ABCF3: variants seen among roughly 807,000 people sequenced by gnomAD.
ABCF3 encodes the protein ATP binding cassette subfamily F member 3.
In ABCF3, 62 loss-of-function variants were observed where a neutral mutation model predicts 94.3. The ratio of observed to expected loss-of-function variants is 0.66; its 90% CI spans 0.54 to 0.81. The LOEUF (loss-of-function observed/expected upper bound fraction) is 0.81. Among genes scored for constraint, ABCF3 ranks in the 40% least tolerant of loss-of-function variants. ABCF3 has a pLI of 0.00. For missense variants in ABCF3, 843 were observed against 925.3 expected (o/e 0.91, Z 1.15); for synonymous variants, 355 against 361.1 (o/e 0.98, Z 0.19).
intron 2 of ABCF3, 22 bp from the exon 3 acceptor site, chr3:184,186,774 C>T (rs749202656): frequency 1.5e-5 from 24 of 1,610,170 alleles, no homozygotes; most frequent in Middle Eastern, 1.7e-4. Context: ...TAACTCTGCG[C>T]TTTCTATCCC....
intron 14 of ABCF3, chr3:184,190,224 C>T (rs1023505166): frequency 1.3e-5 from 6 of 473,610 alleles, no homozygotes; most frequent in African/African-American, 2.0e-5. Flanking sequence ...TGTCTTTTAC[C>T]TGGCGTCATG....
chr3:184,192,434 C>G (rs1456195757), intron 16 of ABCF3, among the ~76,000 whole-genome samples, 167 bp from the exon 17 acceptor site: 4 of 152,160 alleles, frequency 2.6e-5, no homozygotes, highest in African/African-American at 9.7e-5. Flanking sequence ...CTCCCGAACC[C>G]CTCTCTCAAT....
At chr3:184,191,898 C>T (rs750477979) in intron 16 of ABCF3, among the ~76,000 whole-genome samples, 2 of 152,022 alleles carry the variant, frequency 1.3e-5, no homozygotes, top group African/African-American at 4.8e-5. Flanking sequence ...GCACCCGCCA[C>T]CATGCCCAGC....
Position 184,193,632 on chromosome 3 carries a change from G to A in ABCF3, c.2064G>A (p.Val688=), listed in dbSNP as rs773055047. 3.7e-6 allele frequency: 6 copies of A among 1,614,148 alleles called. No individual in the cohort carries two copies. The highest frequency in any genetic ancestry group is 2.2e-5 in the South Asian group (2 of 91,088). ...GCGAAGGAGGCGGCGTCACCCGTGT[G>A]GAAGGAGGATTTGACCAGTACCGCG... ...WVCEGGGVTR[V]EGGFDQYRAL... The change falls in exon 21 of 21, where the codon GTG becomes GTA. Residue 688 remains valine, a synonymous_variant. Transcript: ENST00000429586. The surrounding 1 kb of genome is among the most constrained non-coding windows in gnomAD (Gnocchi z 5.2).
intron 7 of ABCF3, 101 bp from the exon 8 acceptor site, chr3:184,188,660 C>G: frequency 7.9e-7 from 1 of 1,261,442 alleles, no homozygotes; most frequent in South Asian, 1.4e-5. Context: ...TCTTCCTCTT[C>G]CAGCCACAAG....
chr3:184,189,034 C>A (rs1375150698), intron 9 of ABCF3, 46 bp downstream of exon 9: 1 of 1,614,194 alleles, frequency 6.2e-7, no homozygotes, highest in East Asian at 2.2e-5. Context: ...GTTGTCTCAG[C>A]CCCTTCCTGC....
At chr3:184,192,539 A>C (rs1261570894) in intron 16 of ABCF3, 62 bp from the exon 17 acceptor site, 1 of 1,472,512 alleles carries the variant, frequency 6.8e-7, no homozygotes, top group African/African-American at 1.4e-5. Context: ...CCACATATGA[A>C]TGAGAACATA....
In ABCF3 at chr3:184,188,345, C is replaced by T. The variant is rs570114370; in HGVS notation, c.774C>T (p.Asp258=). The T allele has an allele frequency of 5.6e-6, 9 of 1,613,896 alleles. No individual in the cohort carries two copies. The highest frequency in any genetic ancestry group is 1.7e-5 in the Admixed American group (1 of 60,030). The change falls in exon 7 of 21, where the codon GAC becomes GAT. Residue 258 remains aspartate (D), a synonymous_variant. Coordinates refer to ENST00000429586, the MANE Select transcript of ABCF3 (RefSeq NM_018358.3). ...TPALQSVLES[D]SVREDLLRRE... ...CCCTGCAGAGTGTGCTGGAGAGTGA[C>T]AGTGTGCGAGAGGATTTGCTACGGA... is the stretch of plus-strand genomic sequence containing the variant.
chr3:184,186,590 G>C lies in ABCF3; in HGVS notation c.157G>C (p.Gly53Arg), dbSNP rs201672991. Residue 53 changes from glycine to arginine, a missense_variant, in exon 2 of 21, where the codon GGG becomes CGG. Physicochemically the swap from Gly to Arg is moderately radical, Grantham distance 125 (BLOSUM62 -2). Coordinates refer to ENST00000429586, the MANE Select transcript of ABCF3 (RefSeq NM_018358.3). ...AVGELLQEVS[G>R]DSKDDAGIRA... ...AGGGGAACTATTGCAAGAGGTGTCC[G>C]GGGACAGCAAGGATGACGCGGGCAT... 1 of 1,613,986 alleles carries C rather than the reference G, an allele frequency of 6.2e-7. No individual in the cohort carries two copies.
At position 184,189,417 on chromosome 3, in the gene ABCF3, A is replaced by G. The variant is rs766194967; in HGVS notation, c.1087A>G (p.Ile363Val). ...EPTNMLDVRA[I>V]LWLENYLQTW... ...TACAAACATGCTGGATGTCAGGGCCATCCTGTGGCTGGAGAATTACCTGCA... is the reference window on the plus strand; with the variant it reads ...TACAAACATGCTGGATGTCAGGGCCGTCCTGTGGCTGGAGAATTACCTGCA... Residue 363 changes from isoleucine to valine, a missense_variant, in exon 12 of 21, where the codon ATC becomes GTC. Coordinates refer to ENST00000429586, the MANE Select transcript of ABCF3 (RefSeq NM_018358.3). 1.2e-5 allele frequency: 20 copies of G among 1,614,058 alleles called. No homozygotes were observed. The South Asian group carries it at 2.0e-4, about 16-fold the overall frequency.
rs1716116851 is a variant in ABCF3, at chr3:184,192,878, C to T, written c.1732C>T (p.Leu578=). The T allele has an allele frequency of 6.2e-7, 1 of 1,614,104 alleles. No individual in the cohort carries two copies. The highest frequency in any genetic ancestry group is 1.7e-5 in the Admixed American group (1 of 60,022). The part of the protein sequence containing the change: ...LDLNVSAVEL[L]ARKFPGRPEE... ...CCTAAACGTCAGTGCTGTGGAACTG[C>T]TGGCACGCAAGTTTCCTGGTGAGTT... The change falls in exon 18 of 21, where the codon CTG becomes TTG. Residue 578 remains leucine, a synonymous_variant. Coordinates refer to ENST00000429586, the MANE Select transcript of ABCF3 (RefSeq NM_018358.3).
Position 184,186,669 on chromosome 3 carries a change from G to A in ABCF3, c.221+15G>A. 6 of 1,600,128 alleles carry A rather than the reference G, an allele frequency of 3.7e-6. No homozygotes were observed. The highest frequency in any genetic ancestry group is 5.1e-6 in the Non-Finnish European group (6 of 1,171,034). On this transcript the variant is annotated intron_variant, in intron 2 of 20. Transcript: ENST00000429586. ...ACTCTGCGTCTGTATGTGCCAGGGA[G>A]TAGGGGTTGATGGGGGCGAAGGGAC...
At chr3:184,190,204 T>A (rs181575951) in intron 14 of ABCF3, 295 of 524,806 alleles carry the variant, frequency 5.6e-4, no homozygotes, top group African/African-American at 5.4e-3. Context: ...AATATGACCT[T>A]TGTGCCTGGT....
chr3:184,187,492 G>A (rs374176540), intron 4 of ABCF3, 49 bp downstream of exon 4: 5 of 1,584,226 alleles, frequency 3.2e-6, no homozygotes, highest in African/African-American at 2.7e-5. Context: ...GGGGTTGGGA[G>A]TTGACTGTCT....
rs748016722 is a variant in ABCF3, at chr3:184,188,246, C to G, written c.675C>G (p.Thr225=). Residue 225 remains threonine (T), a synonymous_variant, in exon 7 of 21, where the codon ACC becomes ACG. Transcript: ENST00000429586. The part of the protein sequence containing the change: ...GKTTLLKMLA[T]RSLRVPAHIS... ...CAACGTTACTGAAGATGCTGGCCAC[C>G]CGGAGTCTGCGGGTTCCAGCCCACA... The G allele has an allele frequency of 6.2e-7, 1 of 1,614,166 alleles. No homozygotes were observed. The highest frequency in any genetic ancestry group is 8.5e-7 in the Non-Finnish European group (1 of 1,180,044).
At position 184,190,995 on chromosome 3, in the gene ABCF3, C is replaced by T. The variant is rs773485072; in HGVS notation, c.1392-4C>T. 4 of 1,613,862 alleles carry T rather than the reference C, an allele frequency of 2.5e-6. No homozygotes were observed. Among genetic ancestry groups the T allele is most frequent in the South Asian group, 1.1e-5 (1 of 91,068 alleles). On this transcript the variant is annotated splice_polypyrimidine_tract_variant and splice_region_variant and intron_variant, in intron 14 of 20. Coordinates refer to ENST00000429586, the MANE Select transcript of ABCF3 (RefSeq NM_018358.3). The stretch of plus-strand genomic sequence containing the variant: ...AATCTAGTCTACCTCATCTCTTCTC[C>T]CAGGCCTGAGCTGAAGCCTGTGGAC...
chr3:184,190,888 C>G (rs1715974913), intron 14 of ABCF3, 111 bp from the exon 15 acceptor site: 8 of 1,248,822 alleles, frequency 6.4e-6, no homozygotes, highest in Non-Finnish European at 7.8e-6. Context: ...GTAATGATAC[C>G]TGAGTGGTAG....
At position 184,186,213 on chromosome 3, in the gene ABCF3, G is replaced by T; in HGVS notation, c.6G>T (p.Ala2=). The change falls in exon 1 of 21, where the codon GCG becomes GCT. Residue 2 remains alanine, a synonymous_variant. Transcript: ENST00000429586. ...GACGGGTTCCTGAGTGGAACATGGC[G>T]ACTTGCGCCGAAATCCTGCGGAGCG... M[A]TCAEILRSEF... 1 of 1,614,186 alleles carries T rather than the reference G, an allele frequency of 6.2e-7. No individual in the cohort carries two copies. The highest frequency in any genetic ancestry group is 8.5e-7 in the Non-Finnish European group (1 of 1,180,050).
At chr3:184,186,443 G>GCC (rs1715623201) in intron 1 of ABCF3, 64 bp from the exon 2 acceptor site, 1 of 1,582,874 alleles carries the variant, frequency 6.3e-7, no homozygotes, top group African/African-American at 1.3e-5. Flanking sequence ...TCTGTCTGGG[G>GCC]TCTGAAACTG....
Sources: allele counts gnomAD v4.1 joint callset (sites outside exome capture counted in the v4.1 genomes callset), GRCh38; gene constraint gnomAD v4.1.1; non-coding constraint Gnocchi (gnomAD v3.1); transcripts MANE v1.5; gene names NCBI Gene and HGNC (gene_info 2026-07-23, HGNC 2026-07-21).